The following NPHS1 variants were observed in gnomAD, a reference collection of about 807,000 sequenced individuals.
The protein encoded by NPHS1 is nephrin.
Under a neutral mutation model 139.7 loss-of-function variants are expected in NPHS1, and 107 were observed. That is an observed-to-expected ratio of 0.77 (90% CI 0.66 to 0.90). The LOEUF (loss-of-function observed/expected upper bound fraction) is 0.90. Ranked by LOEUF, NPHS1 falls within the 40% of genes least tolerant of loss-of-function variation. The pLI, the probability that NPHS1 is intolerant of heterozygous loss-of-function variation, is 0.00. For missense variants in NPHS1, 1,580 were observed against 1,654.2 expected, an observed-to-expected ratio of 0.96 and a Z score of 0.78; for synonymous variants, 707 against 706.6, an observed-to-expected ratio of 1.00 and a Z score of -0.01.
At position 35,850,688 on chromosome 19, in the gene NPHS1, C is replaced by T. The variant is rs185791837; in HGVS notation, c.527-243G>A. 2.2e-4 allele frequency among the ~76,000 whole-genome samples: 33 copies of T among 152,204 alleles called. No homozygotes were observed. In the East Asian group the frequency reaches 6.2e-3, roughly 29 times the overall value. On this transcript the variant is annotated intron_variant, in intron 4 of 28. Transcript: ENST00000378910. ...CTCCTTGCTGGGTTGTACCATGCAC[C>T]CTATCCCTCAGCTTCTCATGTCTGC...
chr19:35,850,264 T>C lies in NPHS1; in HGVS notation c.608+100A>G. On this transcript the variant is annotated intron_variant, in intron 5 of 28. Transcript: ENST00000378910. ...AGGATGAAGAATTGGGTCCCAGATG[T>C]TCATACCTAGCCCAAGCTTCATGCT... 4.3e-6 allele frequency: 4 copies of C among 925,018 alleles called. No individual in the cohort carries two copies. The South Asian group carries it at 5.3e-5, about 12-fold the overall frequency. The allele number at this position is 925,018 out of a possible 1,614,324, so 57.3% of individuals were successfully genotyped here.
intron 28 of NPHS1, among the ~76,000 whole-genome samples, chr19:35,826,855 G>C (rs745707573): frequency 3.3e-5 from 5 of 152,218 alleles, no homozygotes; most frequent in Non-Finnish European, 7.3e-5. Context: ...ACAATATCAG[G>C]CTGGGCACGG....
In NPHS1 at chr19:35,846,047, C is replaced by A; in HGVS notation, c.1588G>T (p.Ala530Ser). 6.3e-7 allele frequency: 1 copy of A among 1,595,008 alleles called. No individual in the cohort carries two copies. The highest frequency in any genetic ancestry group is 8.5e-7 in the Non-Finnish European group (1 of 1,171,028). ...SDNQAKFTCK[A>S]GQLSASTQLA... ...TGCGTGGACGCGCTGAGCTGTCCAGCCTTGCACGTGAACTTGGCCTGGTTG... is the reference window on the plus strand; with the variant it reads ...TGCGTGGACGCGCTGAGCTGTCCAGACTTGCACGTGAACTTGGCCTGGTTG... The change falls in exon 12 of 29, where the codon GCT (alanine) becomes TCT (serine). Residue 530 changes from alanine to serine, a missense_variant. Ala to Ser is a moderately conservative substitution (Grantham distance 99, BLOSUM62 1). Transcript: ENST00000378910.
chr19:35,836,041 C>T (rs1402179161), intron 22 of NPHS1, among the ~76,000 whole-genome samples: 1 of 146,732 alleles, frequency 6.8e-6, no homozygotes, highest in Middle Eastern at 3.5e-3. Flanking sequence ...CTCACTGAAA[C>T]CTCTGCCTCC....
Position 35,843,485 on chromosome 19 carries a change from T to C in NPHS1, c.2321A>G (p.Asn774Ser), listed in dbSNP as rs1272755172. ...CTGGATCCTCACCAGTCTCTCCCAG[T>C]TGAACATGCCCGGGAGGATGGGATT... ...DANPILPGMF[N>S]WERLGEDEED... The change falls in exon 17 of 29, where the codon AAC (asparagine) becomes AGC (serine). Residue 774 changes from asparagine to serine, a missense_variant. By Grantham distance (46) the Asn-to-Ser change is conservative. Coordinates refer to ENST00000378910, the MANE Select transcript of NPHS1 (RefSeq NM_004646.4). The C allele has an allele frequency of 1.2e-6, 2 of 1,613,940 alleles. No individual in the cohort carries two copies. The highest frequency in any genetic ancestry group is 1.3e-5 in the African/African-American group (1 of 74,910).
chr19:35,848,958 G>T lies in NPHS1; in HGVS notation c.1012+18C>A, dbSNP rs1160129744. 1.2e-6 allele frequency: 2 copies of T among 1,611,382 alleles called. No individual in the cohort carries two copies. Among genetic ancestry groups the T allele is most frequent in the Admixed American group, 1.7e-5 (1 of 60,030 alleles). On this transcript the variant is annotated intron_variant, in intron 8 of 28. Coordinates refer to ENST00000378910, the MANE Select transcript of NPHS1 (RefSeq NM_004646.4). Reference sequence around the variant, plus strand: ...TGAGGCACAGACCGACAGGGGGGCAGCTGGCACCAGGACTCACAGGTGACC... The same window carrying T: ...TGAGGCACAGACCGACAGGGGGGCATCTGGCACCAGGACTCACAGGTGACC...
Position 35,843,536 on chromosome 19 carries a change from A to G in NPHS1, c.2270T>C (p.Val757Ala). 3.1e-6 allele frequency: 5 copies of G among 1,614,142 alleles called. No individual in the cohort carries two copies. Among genetic ancestry groups the G allele is most frequent in the Non-Finnish European group, 4.2e-6 (5 of 1,179,988 alleles). The stretch of plus-strand genomic sequence containing the variant: ...GGCATCGACAGTGCAGACTATGTCC[A>G]CAGAACCCCCGACGTTCACCTCAGT... ...DPTEVNVGGS[V>A]DIVCTVDANP... Residue 757 changes from valine to alanine, a missense_variant, in exon 17 of 29, where the codon GTG becomes GCG. Val to Ala is a moderately conservative substitution (Grantham distance 64). Coordinates refer to ENST00000378910, the MANE Select transcript of NPHS1 (RefSeq NM_004646.4).
At chr19:35,830,387 A>G (rs980117455) in intron 28 of NPHS1, among the ~76,000 whole-genome samples, 4 of 152,202 alleles carry the variant, frequency 2.6e-5, no homozygotes, top group African/African-American at 9.6e-5. Flanking sequence ...AGGGCCACTC[A>G]CGTCTGACTG....
chr19:35,844,929 G>A (rs903756596), intron 14 of NPHS1, among the ~76,000 whole-genome samples: 3 of 151,990 alleles, frequency 2.0e-5, no homozygotes, highest in Middle Eastern at 6.8e-3. Context: ...GTTCAAGATC[G>A]GCCCGGGCAA....
In NPHS1 at chr19:35,851,687, C is replaced by T. The variant is rs758002457; in HGVS notation, c.59-15G>A. The T allele has an allele frequency of 1.3e-5, 21 of 1,606,250 alleles. No homozygotes were observed. The highest frequency in any genetic ancestry group is 2.2e-5 in the East Asian group (1 of 44,500). On this transcript the variant is annotated splice_polypyrimidine_tract_variant and intron_variant, in intron 1 of 28. Coordinates refer to ENST00000378910, the MANE Select transcript of NPHS1 (RefSeq NM_004646.4). ...CTGCGCCAGGCCTGAGGACACAGCGCGGTGCAAGGAAAGGGCAGAGGGTTT... is the reference window on the plus strand; with the variant it reads ...CTGCGCCAGGCCTGAGGACACAGCGTGGTGCAAGGAAAGGGCAGAGGGTTT...
chr19:35,833,850 C>T (rs1881530377), intron 23 of NPHS1, among the ~76,000 whole-genome samples: 1 of 152,080 alleles, frequency 6.6e-6, no homozygotes, highest in African/African-American at 2.4e-5. Flanking sequence ...GCATGCACTG[C>T]CATGCCTGGC....
Position 35,845,737 on chromosome 19 carries a change from T to C in NPHS1, c.1689A>G (p.Leu563=). The change falls in exon 13 of 29, where the codon TTA becomes TTG. Residue 563 remains leucine (L), a synonymous_variant. Coordinates refer to ENST00000378910, the MANE Select transcript of NPHS1 (RefSeq NM_004646.4). This position sits in a 1 kb window ranked among gnomAD's most constrained non-coding sequence, Gnocchi z 5.5. ...NASALRPGDA[L]NLTCVSVSSN... is the part of the protein sequence containing the mutation. ...TGCTGACGCTGACGCATGTCAAGTT[T>C]AAGGCGTCTCCCGGGCGCAGTGCGG... 6.2e-7 allele frequency: 1 copy of C among 1,614,136 alleles called. No homozygotes were observed. The highest frequency in any genetic ancestry group is 8.5e-7 in the Non-Finnish European group (1 of 1,179,990).
chr19:35,829,545 T>C (rs1333156329), intron 28 of NPHS1, among the ~76,000 whole-genome samples: 1 of 71,654 alleles, frequency 1.4e-5, no homozygotes. Flanking sequence ...TTTTTAAACT[T>C]TTTTTTTTTT....
At chr19:35,847,977 G>A (rs1973167733) in intron 11 of NPHS1, 64 bp downstream of exon 11, 2 of 1,551,124 alleles carry the variant, frequency 1.3e-6, no homozygotes, top group Non-Finnish European at 1.8e-6. Context: ...TTCTGAAGGA[G>A]AGAAGGGGCC....
chr19:35,847,503 C>T (rs1196157035), intron 11 of NPHS1, among the ~76,000 whole-genome samples: 2 of 151,636 alleles, frequency 1.3e-5, no homozygotes, highest in East Asian at 1.9e-4. Context: ...TACAGGCCCC[C>T]GCCACCATGC....
In NPHS1 at chr19:35,826,180, C is replaced by T; in HGVS notation, c.*334G>A. 6.7e-6 allele frequency: 2 copies of T among 297,274 alleles called. No homozygotes were observed. The highest frequency in any genetic ancestry group is 6.7e-5 in the South Asian group (2 of 29,644). 18.4% of individuals were successfully genotyped at this position (297,274 alleles called of 1,614,324 possible). A position where few individuals can be genotyped will look rare whatever the true frequency, so the allele number is the denominator to read the frequency against. On this transcript the variant is annotated 3_prime_UTR_variant, in exon 29 of 29. Coordinates refer to ENST00000378910, the MANE Select transcript of NPHS1 (RefSeq NM_004646.4). ...CAGGCTGGTCTCGAACTCCTGACCT[C>T]AGGTGATCCACCCGCCTCAGCCTCC...
chr19:35,832,084 T>A (rs564568892), intron 23 of NPHS1, among the ~76,000 whole-genome samples: 1 of 152,326 alleles, frequency 6.6e-6, no homozygotes, highest in African/African-American at 2.4e-5. Flanking sequence ...CCTCCAGCCA[T>A]GCCCACCAAA....
In NPHS1 at chr19:35,831,282, C is replaced by T; in HGVS notation, c.3387+14G>A. On this transcript the variant is annotated intron_variant, in intron 26 of 28. Transcript: ENST00000378910. Reference sequence around the variant, plus strand: ...TGCCCTGATTGTGGGGTCACCAGGGCCACCCCCACTTACCGTGGAGCTCTG... The same window carrying T: ...TGCCCTGATTGTGGGGTCACCAGGGTCACCCCCACTTACCGTGGAGCTCTG... 6.2e-7 allele frequency: 1 copy of T among 1,613,230 alleles called. No homozygotes were observed. Among genetic ancestry groups the T allele is most frequent in the Non-Finnish European group, 8.5e-7 (1 of 1,179,302 alleles).
chr19:35,842,068 G>A, intron 19 of NPHS1, 56 bp downstream of exon 19: 1 of 1,561,548 alleles, frequency 6.4e-7, no homozygotes, highest in East Asian at 2.3e-5. Context: ...GAGGGGAAGT[G>A]GGGCTGGAGG....
Sources: allele counts gnomAD v4.1 joint callset (sites outside exome capture counted in the v4.1 genomes callset), GRCh38; gene constraint gnomAD v4.1.1; non-coding constraint Gnocchi (gnomAD v3.1); transcripts MANE v1.5; gene names NCBI Gene and HGNC (gene_info 2026-07-23, HGNC 2026-07-21).